FBXW10B: variants seen among roughly 807,000 people sequenced by gnomAD.
The protein encoded by FBXW10B is F-box and WD repeat domain containing 10B, also known as F-box and WD repeat domain containing protein 10B.
chr17:15,571,061 A>G, the FBXW10B span, among the ~76,000 whole-genome samples: 1 of 152,224 alleles, frequency 6.6e-6, no homozygotes, highest in Non-Finnish European at 1.5e-5. Context: ...AATAGACAAA[A>G]GGGGCCGGGC....
the FBXW10B span, among the ~76,000 whole-genome samples, chr17:15,570,371 GATGAAC>G: frequency 6.6e-6 from 1 of 152,200 alleles, no homozygotes; most frequent in African/African-American, 2.4e-5. Context: ...TGTCAGGCAA[GATGAAC>G]ATGGTGAGCA....
chr17:15,597,648 A>G, the FBXW10B span, among the ~76,000 whole-genome samples: 1 of 152,134 alleles, frequency 6.6e-6, no homozygotes, highest in East Asian at 1.9e-4. Context: ...AAATAAAAAT[A>G]AAAAAGGAAG....
chr17:15,568,939 A>C, the FBXW10B span: 4 of 1,231,534 alleles, frequency 3.2e-6, no homozygotes, highest in South Asian at 1.6e-4. Flanking sequence ...GGGTTATTAC[A>C]GCACATCCCA....
the FBXW10B span, among the ~76,000 whole-genome samples, chr17:15,615,379 T>G: frequency 7.4e-6 from 1 of 134,482 alleles, no homozygotes; most frequent in Non-Finnish European, 1.5e-5. Context: ...TGGAGTGCAG[T>G]GGCATGATCT....
chr17:15,606,895 A>G, the FBXW10B span, among the ~76,000 whole-genome samples: 7 of 152,324 alleles, frequency 4.6e-5, no homozygotes, highest in Admixed American at 3.3e-4. Context: ...AAAATAAAGT[A>G]GAAGTGGACT....
the FBXW10B span, among the ~76,000 whole-genome samples, chr17:15,595,349 T>G: frequency 1.8e-4 from 27 of 147,746 alleles, no homozygotes; most frequent in African/African-American, 5.0e-4. Flanking sequence ...AAAAAATAAA[T>G]AAAGAAAAAA....
At chr17:15,582,015 TA>T in the FBXW10B span, among the ~76,000 whole-genome samples, 64 of 151,966 alleles carry the variant, frequency 4.2e-4, no homozygotes, top group South Asian at 7.1e-3. Context: ...AAAGGACTAA[TA>T]AAAAAAACAT....
At chr17:15,602,274 A>G in the FBXW10B span, among the ~76,000 whole-genome samples, 1 of 152,182 alleles carries the variant, frequency 6.6e-6, no homozygotes, top group East Asian at 1.9e-4. Context: ...GCTCAGGGAC[A>G]TTCTCATGCA....
the FBXW10B span, chr17:15,596,601 G>A: frequency 6.2e-7 from 1 of 1,612,610 alleles, no homozygotes; most frequent in Non-Finnish European, 8.5e-7. Context: ...TGATCCTGGT[G>A]GCCAAGATGG....
the FBXW10B span, among the ~76,000 whole-genome samples, chr17:15,601,662 G>A: frequency 1.3e-5 from 2 of 152,050 alleles, no homozygotes; most frequent in African/African-American, 4.8e-5. Flanking sequence ...AAACTTTAAG[G>A]CTCTAAGAAA....
chr17:15,592,887 G>A, the FBXW10B span, among the ~76,000 whole-genome samples: 1 of 152,092 alleles, frequency 6.6e-6, no homozygotes, highest in Non-Finnish European at 1.5e-5. Context: ...GGTGGATCAC[G>A]AGGTTGGGAG....
At chr17:15,586,810 C>T in the FBXW10B span, among the ~76,000 whole-genome samples, 1 of 151,326 alleles carries the variant, frequency 6.6e-6, no homozygotes, top group Non-Finnish European at 1.5e-5. Context: ...GGTTAATAGA[C>T]AGTAGAGATA....
the FBXW10B span, chr17:15,596,602 GC>G: frequency 6.2e-7 from 1 of 1,612,570 alleles, no homozygotes; most frequent in Non-Finnish European, 8.5e-7. Context: ...GATCCTGGTG[GC>G]CAAGATGGGG....
chr17:15,572,154 T>G, the FBXW10B span: 1 of 151,926 alleles, frequency 6.6e-6, no homozygotes. Context: ...TATTGAAAAT[T>G]ATAGTCTGTT....
the FBXW10B span, among the ~76,000 whole-genome samples, chr17:15,570,589 G>A: frequency 7.9e-5 from 12 of 152,188 alleles, no homozygotes; most frequent in African/African-American, 2.2e-4. Context: ...TGGAGCTCCT[G>A]ACTAGTATAT....
At chr17:15,604,098 C>G in the FBXW10B span, among the ~76,000 whole-genome samples, 3 of 132,658 alleles carry the variant, frequency 2.3e-5, no homozygotes, top group East Asian at 6.2e-4. Flanking sequence ...AAAACAAAAA[C>G]TAGAAACAAT....
the FBXW10B span, chr17:15,594,658 A>G: frequency 7.4e-7 from 1 of 1,347,554 alleles, no homozygotes; most frequent in Admixed American, 1.9e-5. Context: ...GTCTACAGGG[A>G]GCAGAAGGTC....
At chr17:15,611,762 C>T in the FBXW10B span, among the ~76,000 whole-genome samples, 1 of 151,912 alleles carries the variant, frequency 6.6e-6, no homozygotes, top group African/African-American at 2.4e-5. Flanking sequence ...AGACTTTAAG[C>T]AGGTGGGGGG....
At chr17:15,615,172 T>C in the FBXW10B span, among the ~76,000 whole-genome samples, 2 of 151,420 alleles carry the variant, frequency 1.3e-5, no homozygotes, top group African/African-American at 4.9e-5. Flanking sequence ...GAGAATTAGA[T>C]GGGAAAGTAA....
Sources: gnomAD v4.1 joint callset for allele counts (sites outside exome capture counted in the v4.1 genomes callset) on GRCh38, gnomAD v4.1.1 for gene constraint, MANE v1.5 for transcripts, NCBI Gene and HGNC (gene_info 2026-07-23, HGNC 2026-07-21) for gene names.